The following MATN2 variants were observed in gnomAD, a reference collection of about 807,000 sequenced individuals.
MATN2 encodes the protein matrilin-2.
In MATN2, 69 loss-of-function variants were observed where a neutral mutation model predicts 103.2. That is an observed-to-expected ratio of 0.67 (90% CI 0.55 to 0.82). MATN2 has a LOEUF of 0.82. Among genes scored for constraint, MATN2 ranks in the 40% least tolerant of loss-of-function variants. The pLI is 0.00. For synonymous variants in MATN2, 429 were observed against 450.2 expected (o/e 0.95, Z 0.60); for missense variants, 1,023 against 1,211.5 (o/e 0.84, Z 2.31).
At position 97,961,496 on chromosome 8, in the gene MATN2, C is replaced by T. The variant is rs112626438; in HGVS notation, c.924C>T (p.Gly308=). 489 of 1,613,588 alleles carry T rather than the reference C, an allele frequency of 3.0e-4. 3 individuals carry two copies. In the African/African-American group the frequency reaches 5.5e-3, roughly 18 times the overall value. ...PGSFVCQCYS[G]YALAEDGKRC... ...CCTTCGTCTGCCAGTGCTACAGTGG[C>T]TACGCCCTGGCTGAGGATGGGAAGA... Residue 308 remains glycine (G), a synonymous_variant, in exon 5 of 19, where the codon GGC becomes GGT. Coordinates refer to ENST00000254898, the MANE Select transcript of MATN2 (RefSeq NM_002380.5).
chr8:97,968,741 T>C (rs1202854129), intron 5 of MATN2, among the ~76,000 whole-genome samples: 1 of 152,224 alleles, frequency 6.6e-6, no homozygotes, highest in Non-Finnish European at 1.5e-5. Flanking sequence ...CACAACCACT[T>C]AACAAGTCTC....
At position 97,941,880 on chromosome 8, in the gene MATN2, G is replaced by A. The variant is rs35407519; in HGVS notation, c.816G>A (p.Ser272=). 1.9e-6 allele frequency: 3 copies of A among 1,612,978 alleles called. No individual in the cohort carries two copies. The highest frequency in any genetic ancestry group is 2.5e-6 in the Non-Finnish European group (3 of 1,179,398). Residue 272 remains serine, a synonymous_variant, in exon 4 of 19, where the codon TCG becomes TCA. Coordinates refer to ENST00000254898, the MANE Select transcript of MATN2 (RefSeq NM_002380.5). ...CRCKQGYILN[S]DQTTCRIQDL... is the part of the protein sequence containing the mutation. ...GCAAACAAGGCTACATTCTCAACTC[G>A]GATCAGACGACTTGCAGAAGTAAGA...
In MATN2 at chr8:97,994,561, T is replaced by C. The variant is rs200521380; in HGVS notation, c.1163T>C (p.Leu388Pro). 9.5e-5 allele frequency: 154 copies of C among 1,613,600 alleles called. No individual in the cohort carries two copies. Among genetic ancestry groups the C allele is most frequent in the Non-Finnish European group, 1.2e-4 (147 of 1,179,812 alleles). Residue 388 changes from leucine (L) to proline (P), a missense_variant, in exon 7 of 19, where the codon CTG becomes CCG. Leu to Pro is a moderately conservative substitution (Grantham distance 98). Transcript: ENST00000254898. ...GATGATTCCTATTCCTGCCACTGCCTGAAAGGCTTTACCCTGAATCCAGAT... is the reference window on the plus strand; with the variant it reads ...GATGATTCCTATTCCTGCCACTGCCCGAAAGGCTTTACCCTGAATCCAGAT... ...NTDDSYSCHCLKGFTLNPDKK... is the reference protein window; with the variant it reads ...NTDDSYSCHCPKGFTLNPDKK...
chr8:97,981,176 C>A (rs1785877485), intron 6 of MATN2, among the ~76,000 whole-genome samples: 1 of 139,998 alleles, frequency 7.1e-6, no homozygotes, highest in Non-Finnish European at 1.6e-5. Flanking sequence ...CACAGTAAGA[C>A]CTTGTCTTAA....
chr8:97,956,013 C>T (rs1462149695), intron 4 of MATN2, among the ~76,000 whole-genome samples: 1 of 152,140 alleles, frequency 6.6e-6, no homozygotes, highest in African/African-American at 2.4e-5. Flanking sequence ...GGGTTCTTGG[C>T]TTTATCCAGG....
rs200270504 is a variant in MATN2 at position 97,931,364 on chromosome 8, G to A, written c.554G>A (p.Arg185Gln). Residue 185 changes from arginine to glutamine, a missense_variant, in exon 3 of 19, where the codon CGG becomes CAG. Transcript: ENST00000254898. This position sits in a 1 kb window ranked among gnomAD's most constrained non-coding sequence, Gnocchi z 4.1. ...DSVAEVAAKA[R>Q]DTGILIFAIG... ...GTGGCCGAGGTGGCTGCTAAGGCAC[G>A]GGACACGGGCATCCTAATCTTTGCC... 106 of 1,613,686 alleles carry A rather than the reference G, an allele frequency of 6.6e-5. No individual in the cohort carries two copies. The highest frequency in any genetic ancestry group is 1.9e-4 in the African/African-American group (14 of 74,924).
chr8:97,968,788 C>G lies in MATN2; in HGVS notation c.958+7258C>G, dbSNP rs116244920. On this transcript the variant is annotated intron_variant, in intron 5 of 18. Transcript: ENST00000254898. ...AAACTTTCCCTCATCTTCCTGTCTT[C>G]TTCTAAGCCCTCCAAACTCATCTGA... Among the ~76,000 whole-genome samples the G allele has an allele frequency of 9.2e-3, 1,394 of 152,320 alleles. 25 individuals carry two copies. Among genetic ancestry groups the G allele is most frequent in the African/African-American group, 0.029 (1,213 of 41,560 alleles).
chr8:98,021,238 G>A lies in MATN2; in HGVS notation c.1853G>A (p.Cys618Tyr), dbSNP rs967563746. The change falls in exon 13 of 19, where the codon TGC becomes TAC. Residue 618 changes from cysteine to tyrosine, a missense_variant. Cys to Tyr is a radical substitution (Grantham distance 194, BLOSUM62 -2). Transcript: ENST00000254898. ...KDVCKSTHHG[C>Y]EHICVNNGNS... ...GTCTGCAAATCAACCCACCATGGCT[G>A]CGAACACATTTGTGTTAATAATGGG... 6.2e-7 allele frequency: 1 copy of A among 1,613,648 alleles called. No individual in the cohort carries two copies. The highest frequency in any genetic ancestry group is 8.5e-7 in the Non-Finnish European group (1 of 1,179,642).
chr8:97,910,209 G>A (rs1323115270), intron 2 of MATN2, among the ~76,000 whole-genome samples: 2 of 151,790 alleles, frequency 1.3e-5, no homozygotes, highest in Admixed American at 6.6e-5. Flanking sequence ...CTACAGGGGC[G>A]TGCCACCACA....
At chr8:98,029,716 C>T (rs896846718) in intron 14 of MATN2, among the ~76,000 whole-genome samples, 3 of 152,126 alleles carry the variant, frequency 2.0e-5, no homozygotes, top group African/African-American at 7.2e-5. Context: ...TTTTAAGAAT[C>T]TAGTCTAATA....
At chr8:97,987,284 G>T (rs1406043873) in intron 6 of MATN2, among the ~76,000 whole-genome samples, 1 of 152,148 alleles carries the variant, frequency 6.6e-6, no homozygotes, top group Non-Finnish European at 1.5e-5. Context: ...ACCGGGGCCT[G>T]TAGCAAGGAG....
chr8:97,905,664 T>C (rs186132437), intron 2 of MATN2, among the ~76,000 whole-genome samples: 45 of 152,264 alleles, frequency 3.0e-4, no homozygotes. Context: ...TGTTTTGTTT[T>C]GTTTTTTGTT....
chr8:97,952,090 A>G (rs1384659603), intron 4 of MATN2: 2 of 152,252 alleles, frequency 1.3e-5, no homozygotes, highest in African/African-American at 4.8e-5. Context: ...AAGAGAGGGC[A>G]TGGTCTCGAA....
At chr8:98,013,348 G>C (rs892318583) in intron 10 of MATN2, among the ~76,000 whole-genome samples, 18 of 152,200 alleles carry the variant, frequency 1.2e-4, no homozygotes, top group African/African-American at 4.3e-4. Flanking sequence ...GTGGGAGAGA[G>C]TGGGAAGCCT....
rs1286983950 is a variant in MATN2 at position 97,937,855 on chromosome 8, A to G, written c.713-3922A>G. 4.6e-5 allele frequency among the ~76,000 whole-genome samples: 7 copies of G among 152,228 alleles called. No homozygotes were observed. The South Asian group carries it at 8.3e-4, about 18-fold the overall frequency. On this transcript the variant is annotated intron_variant, in intron 3 of 18. Transcript: ENST00000254898. ...CAGCCTCCCAAAGTGCTGGTATTACAGGCATGAGCCACCATGCCTGGCCTA... is the reference window on the plus strand; with the variant it reads ...CAGCCTCCCAAAGTGCTGGTATTACGGGCATGAGCCACCATGCCTGGCCTA...
chr8:97,989,385 C>T (rs777841998), intron 6 of MATN2, among the ~76,000 whole-genome samples: 1 of 150,616 alleles, frequency 6.6e-6, no homozygotes, highest in Non-Finnish European at 1.5e-5. Flanking sequence ...AGGAGAATGG[C>T]GTGAACCTGG....
intron 6 of MATN2, among the ~76,000 whole-genome samples, chr8:97,986,069 G>GT (rs1296956902): frequency 1.3e-5 from 2 of 152,074 alleles, no homozygotes; most frequent in East Asian, 3.9e-4. Context: ...ATGTGTTCAG[G>GT]TTTTTTTGGC....
At chr8:97,882,898 G>C (rs766851066) in intron 1 of MATN2, among the ~76,000 whole-genome samples, 1 of 152,030 alleles carries the variant, frequency 6.6e-6, no homozygotes, top group Non-Finnish European at 1.5e-5. Context: ...GATGTTGAAC[G>C]TGTTTTCATA....
Position 97,930,935 on chromosome 8 carries a change from C to T in MATN2, c.143-18C>T, listed in dbSNP as rs1271726523. On this transcript the variant is annotated intron_variant, in intron 2 of 18. Coordinates refer to ENST00000254898, the MANE Select transcript of MATN2 (RefSeq NM_002380.5). ...CTGGCCTCTCTTCTAATGTATTTGA[C>T]CTCTCCTCTTTCCCCAGAGAGTTCC... 1.3e-6 allele frequency: 2 copies of T among 1,574,982 alleles called. No individual in the cohort carries two copies. Among genetic ancestry groups the T allele is most frequent in the Non-Finnish European group, 1.7e-6 (2 of 1,154,686 alleles).
Sources: gnomAD v4.1 joint callset for allele counts (sites outside exome capture counted in the v4.1 genomes callset) on GRCh38, gnomAD v4.1.1 for gene constraint, Gnocchi (gnomAD v3.1) non-coding constraint, MANE v1.5 for transcripts, NCBI Gene and HGNC (gene_info 2026-07-23, HGNC 2026-07-21) for gene names.